The following DNAH1 variants were observed in gnomAD, a reference collection of about 807,000 sequenced individuals.
DNAH1 encodes axonemal beta dynein heavy chain 1.
Under a neutral mutation model 484.3 loss-of-function variants are expected in DNAH1, and 327 were observed. That is an observed-to-expected ratio of 0.68 (90% CI 0.62 to 0.74). DNAH1 has a LOEUF of 0.74. DNAH1 is among the 30% of genes least tolerant of loss of function. The pLI is 0.00. For synonymous variants in DNAH1, 2,192 were observed against 2,191.9 expected (o/e 1.00, Z 0.00); for missense variants, 5,052 against 5,546.8 (o/e 0.91, Z 2.83).
upstream of DNAH1, among the ~76,000 whole-genome samples, chr3:52,315,990 C>T (rs914680156): frequency 1.6e-4 from 24 of 152,162 alleles, no homozygotes; most frequent in Admixed American, 1.5e-3. Context: ...CCCCACCCCT[C>T]AAGTCCATTC....
chr3:52,346,747 C>T lies in DNAH1; in HGVS notation c.1932C>T (p.Asp644=), dbSNP rs375044038. ...LNCTDDMVWG[D]DLINSPYRPR... ...GCACCGATGACATGGTCTGGGGTGA[C>T]GACTTAATTAACAGCCCCTACAGGT... Residue 644 remains aspartate, a synonymous_variant, in exon 11 of 78, where the codon GAC becomes GAT. Transcript: ENST00000420323. The T allele has an allele frequency of 8.7e-6, 14 of 1,606,714 alleles. No homozygotes were observed. The highest frequency in any genetic ancestry group is 3.3e-5 in the Admixed American group (2 of 59,824).
At position 52,364,802 on chromosome 3, in the gene DNAH1, G is replaced by T. The variant is rs774245299; in HGVS notation, c.5332-31G>T. The T allele has an allele frequency of 2.5e-6, 4 of 1,609,568 alleles. No homozygotes were observed. The highest frequency in any genetic ancestry group is 3.4e-6 in the Non-Finnish European group (4 of 1,176,904). On this transcript the variant is annotated intron_variant, in intron 33 of 77. Transcript: ENST00000420323. This position sits in a 1 kb window ranked among gnomAD's most constrained non-coding sequence, Gnocchi z 4.2. ...GCAGCTGGAGGGCAGCTGGCCCACT[G>T]CCCTGAAGGCTCAGCCGGCACCTGC...
chr3:52,331,732 C>T (rs1193410823), intron 7 of DNAH1, among the ~76,000 whole-genome samples: 1 of 143,276 alleles, frequency 7.0e-6, no homozygotes, highest in East Asian at 2.2e-4. Flanking sequence ...TCAAGTGATT[C>T]TCGTGCCTCA....
Position 52,347,900 on chromosome 3 carries a change from C to T in DNAH1, c.2032C>T (p.Gln678Ter). 6.2e-7 allele frequency: 1 copy of T among 1,608,910 alleles called. No individual in the cohort carries two copies. The highest frequency in any genetic ancestry group is 8.5e-7 in the Non-Finnish European group (1 of 1,177,676). ...SGVHYSTPLE[Q>*]FEASLLNLFD... is the part of the protein sequence containing the mutation. ...GGTGCACTATAGCACCCCACTGGAGCAGTTTGAGGCATCTCTGCTGAACCT... is the reference window on the plus strand; with the variant it reads ...GGTGCACTATAGCACCCCACTGGAGTAGTTTGAGGCATCTCTGCTGAACCT... Residue 678 changes from glutamine (Q) to a stop codon, truncating the protein, a stop_gained, in exon 12 of 78, where the codon CAG becomes TAG. Coordinates refer to ENST00000420323, the MANE Select transcript of DNAH1 (RefSeq NM_015512.5). LOFTEE classifies it high-confidence loss of function.
At chr3:52,398,246 T>A in intron 75 of DNAH1, 84 bp downstream of exon 75, 3 of 1,483,306 alleles carry the variant, frequency 2.0e-6, no homozygotes, top group Middle Eastern at 1.8e-4. Context: ...ATGGGCCAGG[T>A]GCCATGCCAA....
chr3:52,370,814 G>T lies in DNAH1; in HGVS notation c.6514G>T (p.Glu2172Ter), dbSNP rs752298977. ...GTNDSEDEEE[E>*]YKQVAWVKWM... ...CAACGACAGTGAGGATGAAGAGGAG[G>T]AATACAAGCAGGTGGCCGCAGGCCC... The change falls in exon 41 of 78, where the codon GAA (glutamate) becomes TAA (stop). Residue 2172 changes from glutamate to a stop codon, truncating the protein, a stop_gained. Coordinates refer to ENST00000420323, the MANE Select transcript of DNAH1 (RefSeq NM_015512.5). LOFTEE classifies it high-confidence loss of function. 6.2e-7 allele frequency: 1 copy of T among 1,601,360 alleles called. No homozygotes were observed. The highest frequency in any genetic ancestry group is 8.5e-7 in the Non-Finnish European group (1 of 1,174,448).
Position 52,349,307 on chromosome 3 carries a change from C to T in DNAH1, c.2413C>T (p.Pro805Ser). ...SSLPSSIIIG[P>S]FYINTDNVKQ... ...GCTGCCCAGCAGCATCATCATTGGG[C>T]CTTTCTACATCAACACCGACAATGT... The change falls in exon 14 of 78, where the codon CCT becomes TCT. Residue 805 changes from proline to serine, a missense_variant. Pro to Ser is a moderately conservative substitution (Grantham distance 74, BLOSUM62 -1). Coordinates refer to ENST00000420323, the MANE Select transcript of DNAH1 (RefSeq NM_015512.5). The T allele has an allele frequency of 6.2e-7, 1 of 1,614,006 alleles. No individual in the cohort carries two copies. The highest frequency in any genetic ancestry group is 1.1e-5 in the South Asian group (1 of 91,088).
At position 52,361,460 on chromosome 3, in the gene DNAH1, G is replaced by T; in HGVS notation, c.4874+108G>T. The T allele has an allele frequency of 7.4e-7, 1 of 1,351,346 alleles. No individual in the cohort carries two copies. Among genetic ancestry groups the T allele is most frequent in the Non-Finnish European group, 1.0e-6 (1 of 1,000,914 alleles). The allele number at this position is 1,351,346 out of a possible 1,614,324, so 83.7% of individuals were successfully genotyped here. ...GAGAGGGGCCTCGAAGGATGGTGGA[G>T]GGGACAGAAGGGGGTAATAGGCATC... On this transcript the variant is annotated intron_variant, in intron 29 of 77. Coordinates refer to ENST00000420323, the MANE Select transcript of DNAH1 (RefSeq NM_015512.5). The surrounding 1 kb of genome is among the most constrained non-coding windows in gnomAD (Gnocchi z 5.6).
intron 16 of DNAH1, 83 bp downstream of exon 16, chr3:52,350,673 C>A: frequency 1.6e-6 from 2 of 1,244,770 alleles, no homozygotes; most frequent in Non-Finnish European, 2.3e-6. Context: ...CCAAATGCCC[C>A]AGCTGCCACA....
intron 6 of DNAH1, among the ~76,000 whole-genome samples, chr3:52,328,473 A>G (rs1701431422): frequency 6.6e-6 from 1 of 152,082 alleles, no homozygotes. Context: ...AAGCACATTC[A>G]CTGTCATACA....
rs1228450839 is a variant in DNAH1 at position 52,379,947 on chromosome 3, C to T, written c.7420C>T (p.Arg2474Cys). 2.8e-5 allele frequency: 44 copies of T among 1,578,218 alleles called. No homozygotes were observed. The highest frequency in any genetic ancestry group is 7.0e-5 in the South Asian group (6 of 85,796). ...LLRLWYHENCRVFRDRLVNEE... is the reference protein window; with the variant it reads ...LLRLWYHENCCVFRDRLVNEE... ...GCGACTGTGGTATCACGAGAACTGC[C>T]GCGTGTTCCGGGACCGACTGGTGAA... The change falls in exon 48 of 78, where the codon CGC becomes TGC. Residue 2474 changes from arginine to cysteine, a missense_variant. By Grantham distance (180) the Arg-to-Cys change is radical. Transcript: ENST00000420323. This position sits in a 1 kb window ranked among gnomAD's most constrained non-coding sequence, Gnocchi z 4.4.
intron 21 of DNAH1, among the ~76,000 whole-genome samples, chr3:52,356,373 G>A (rs988886055): frequency 2.0e-5 from 3 of 152,208 alleles, no homozygotes; most frequent in Non-Finnish European, 2.9e-5. Context: ...TCCTTTGGAG[G>A]CTTGGGCGTC....
At chr3:52,318,174 C>G (rs1380992147) in intron 1 of DNAH1, among the ~76,000 whole-genome samples, 1 of 152,248 alleles carries the variant, frequency 6.6e-6, no homozygotes, top group African/African-American at 2.4e-5. Flanking sequence ...GCCTCAGCCT[C>G]CTGAATAGCT....
At chr3:52,398,303 C>T in intron 75 of DNAH1, 141 bp downstream of exon 75, 3 of 1,129,856 alleles carry the variant, frequency 2.7e-6, no homozygotes, top group Non-Finnish European at 3.6e-6. Context: ...TTGTTGTTGA[C>T]ACGGAGTCTC....
At chr3:52,332,003 C>G (rs987600312) in intron 7 of DNAH1, 139 bp from the exon 8 acceptor site, 14 of 1,125,324 alleles carry the variant, frequency 1.2e-5, no homozygotes, top group Non-Finnish European at 1.6e-5. Flanking sequence ...GCCCATTTCA[C>G]AGATGCAACA....
rs772550201 is a variant in DNAH1 at position 52,322,519 on chromosome 3, T to C, written c.77T>C (p.Val26Ala). The change falls in exon 2 of 78, where the codon GTC becomes GCC. Residue 26 changes from valine (V) to alanine (A), a missense_variant. By Grantham distance (64) the Val-to-Ala change is moderately conservative. Transcript: ENST00000420323. ...QGPECSSAPA[V>A]QVGTHRGLEY... is the part of the protein sequence containing the mutation. Reference sequence around the variant, plus strand: ...CCAGAGTGCAGCAGTGCTCCTGCAGTCCAAGTGGGGACCCACAGGGGCCTA... The same window carrying C: ...CCAGAGTGCAGCAGTGCTCCTGCAGCCCAAGTGGGGACCCACAGGGGCCTA... 2.3e-5 allele frequency: 37 copies of C among 1,613,588 alleles called. No individual in the cohort carries two copies. The highest frequency in any genetic ancestry group is 5.0e-5 in the Admixed American group (3 of 59,962).
Position 52,354,809 on chromosome 3 carries a change from C to G in DNAH1, c.3481-34C>G, listed in dbSNP as rs775137459. 4 of 1,608,002 alleles carry G rather than the reference C, an allele frequency of 2.5e-6. No homozygotes were observed. In the African/African-American group the frequency reaches 5.4e-5, roughly 22 times the overall value. On this transcript the variant is annotated intron_variant, in intron 20 of 77. Transcript: ENST00000420323. Reference sequence around the variant, plus strand: ...TCAGACAGCATCAGGACCAGCCCCTCCCAGGACTCAGCCTGGCTTGTCCCC... The same window carrying G: ...TCAGACAGCATCAGGACCAGCCCCTGCCAGGACTCAGCCTGGCTTGTCCCC...
chr3:52,382,182 C>T, intron 49 of DNAH1, 138 bp from the exon 50 acceptor site: 1 of 1,389,680 alleles, frequency 7.2e-7, no homozygotes, highest in African/African-American at 1.4e-5. Context: ...AAAGCAGGTT[C>T]AGGGCCTGAA....
chr3:52,344,529 C>T lies in DNAH1; in HGVS notation c.1326C>T (p.Ser442=). Residue 442 remains serine (S), a synonymous_variant, in exon 9 of 78, where the codon AGC becomes AGT. Transcript: ENST00000420323. ...TCAGCAGTCTTGCCAGAGAAGTGAG[C>T]CTGGACTATGAGCGCAGCATGAACA... ...EHLSSLAREV[S]LDYERSMNKI... 6.2e-7 allele frequency: 1 copy of T among 1,613,982 alleles called. No homozygotes were observed. The highest frequency in any genetic ancestry group is 8.5e-7 in the Non-Finnish European group (1 of 1,179,862).
Sources: allele counts gnomAD v4.1 joint callset (sites outside exome capture counted in the v4.1 genomes callset), GRCh38; gene constraint gnomAD v4.1.1; non-coding constraint Gnocchi (gnomAD v3.1); transcripts MANE v1.5; gene names NCBI Gene and HGNC (gene_info 2026-07-23, HGNC 2026-07-21).